ANXA7: variants seen among roughly 807,000 people sequenced by gnomAD.
ANXA7 encodes the protein annexin VII.
A neutral mutation model predicts 64.9 loss-of-function variants in ANXA7; 55 were observed. The ratio of observed to expected loss-of-function variants is 0.85; its 90% confidence interval spans 0.68 to 1.06. The LOEUF (loss-of-function observed/expected upper bound fraction) is 1.06. Ranked by LOEUF, ANXA7 falls within the 50% of genes least tolerant of loss-of-function variation. The probability of loss-of-function intolerance (pLI) is 0.00; values close to 1 mark genes in which losing one functional copy is unlikely to be tolerated. For missense variants in ANXA7, 548 were observed against 582.1 expected (o/e 0.94, Z 0.60); for synonymous variants, 200 against 192.4 (o/e 1.04, Z -0.33).
rs190979633 is a variant in ANXA7, at chr10:73,391,242, C to T, written c.436-2828G>A. 1.5e-3 allele frequency among the ~76,000 whole-genome samples: 226 copies of T among 151,528 alleles called. 1 individual carries two copies. The highest frequency in any genetic ancestry group is 4.9e-3 in the African/African-American group (202 of 41,314). On this transcript the variant is annotated intron_variant, in intron 5 of 12. Coordinates refer to ENST00000372921, the MANE Select transcript of ANXA7 (RefSeq NM_001156.5). ...TTAAATTCTAGGGGAGAGTTCTCAG[C>T]AAAATCTGCTACCAGAAGTTCCAAC...
At chr10:73,386,214 T>TAAAAAAAA (rs377002771) in intron 7 of ANXA7, among the ~76,000 whole-genome samples, 1 of 83,394 alleles carries the variant, frequency 1.2e-5, no homozygotes, top group Non-Finnish European at 2.8e-5. Context: ...CAAAAAAAAG[T>TAAAAAAAA]AAAAAAAAAA....
At chr10:73,402,815 TA>T (rs1431076216) in intron 1 of ANXA7, among the ~76,000 whole-genome samples, 2 of 150,676 alleles carry the variant, frequency 1.3e-5, no homozygotes, top group African/African-American at 2.5e-5. Flanking sequence ...CATTCTTACA[TA>T]AAAACTCTGT....
intron 1 of ANXA7, among the ~76,000 whole-genome samples, chr10:73,406,101 G>C (rs1158203556): frequency 1.3e-5 from 2 of 151,810 alleles, no homozygotes; most frequent in East Asian, 3.9e-4. Context: ...GATTACAGGC[G>C]CCCACCACCA....
intron 12 of ANXA7, 79 bp from the exon 13 acceptor site, chr10:73,376,296 A>G (rs2055171181): frequency 7.5e-7 from 1 of 1,339,372 alleles, no homozygotes; most frequent in Non-Finnish European, 9.9e-7. Flanking sequence ...AAATAATAAG[A>G]TCTTAATAAT....
chr10:73,404,382 C>T (rs2055720058), intron 1 of ANXA7, among the ~76,000 whole-genome samples: 1 of 152,156 alleles, frequency 6.6e-6, no homozygotes, highest in Non-Finnish European at 1.5e-5. Context: ...TAAACAATAA[C>T]CTGCACATCA....
At chr10:73,402,221 C>T (rs544398515) in intron 1 of ANXA7, among the ~76,000 whole-genome samples, 1 of 152,254 alleles carries the variant, frequency 6.6e-6, no homozygotes, top group South Asian at 2.1e-4. Context: ...CAAGGTCTTG[C>T]TCTGTCACCC....
intron 5 of ANXA7, among the ~76,000 whole-genome samples, chr10:73,392,395 A>C (rs1446585899): frequency 7.9e-6 from 1 of 125,956 alleles, no homozygotes; most frequent in Non-Finnish European, 1.7e-5. Context: ...GAGACACAAC[A>C]AAAAAAAGAG....
In ANXA7 at chr10:73,398,173, T is replaced by G. The variant is rs1461284399; in HGVS notation, c.259+8A>C. On this transcript the variant is annotated splice_region_variant and intron_variant, in intron 3 of 12. Coordinates refer to ENST00000372921, the MANE Select transcript of ANXA7 (RefSeq NM_001156.5). ...CAATCATTACTAATTCCGCAACCCG[T>G]AACTCACCTCCGGGATAGGATGGAG... 6.2e-7 allele frequency: 1 copy of G among 1,606,210 alleles called. No individual in the cohort carries two copies. The highest frequency in any genetic ancestry group is 8.5e-7 in the Non-Finnish European group (1 of 1,174,708).
In ANXA7 at chr10:73,398,058, C is replaced by T. The variant is rs2055603498; in HGVS notation, c.259+123G>A. 5.2e-6 allele frequency: 5 copies of T among 957,740 alleles called. No individual in the cohort carries two copies. In the East Asian group the frequency reaches 1.3e-4, roughly 25 times the overall value. 59.3% of individuals were successfully genotyped at this position (957,740 alleles called of 1,614,324 possible). The stretch of plus-strand genomic sequence containing the variant: ...CATCTTGCCAGCTAGGTCCTTACTA[C>T]CTAAGGTTACCTAAGAGCGACTTGA... On this transcript the variant is annotated intron_variant, in intron 3 of 12. Coordinates refer to ENST00000372921, the MANE Select transcript of ANXA7 (RefSeq NM_001156.5).
chr10:73,398,492 T>C (rs933966071), intron 2 of ANXA7, 107 bp from the exon 3 acceptor site: 24 of 1,042,234 alleles, frequency 2.3e-5, no homozygotes, highest in Admixed American at 5.5e-5. Flanking sequence ...CTCATTCTTT[T>C]ACTTTTTAAA....
At chr10:73,401,506 CT>C (rs1047702373) in intron 1 of ANXA7, among the ~76,000 whole-genome samples, 13 of 147,854 alleles carry the variant, frequency 8.8e-5, no homozygotes, top group South Asian at 2.1e-4. Flanking sequence ...CTTCTTTTCT[CT>C]TTTTTTTTTG....
chr10:73,395,610 CCT>C (rs931948011), intron 5 of ANXA7, among the ~76,000 whole-genome samples: 8 of 151,958 alleles, frequency 5.3e-5, no homozygotes, highest in African/African-American at 1.9e-4. Context: ...ATGGTGAAAC[CCT>C]GTCTCTACTA....
chr10:73,380,297 ATTTC>A (rs988971732), intron 9 of ANXA7, 96 bp from the exon 10 acceptor site: 2 of 1,275,040 alleles, frequency 1.6e-6, no homozygotes, highest in African/African-American at 3.0e-5. Context: ...TAAAGAGACT[ATTTC>A]TTTTTTTTTT....
chr10:73,398,127 GA>G, intron 3 of ANXA7, 53 bp downstream of exon 3: 1 of 1,545,412 alleles, frequency 6.5e-7, no homozygotes. Flanking sequence ...AAGGGAGAAG[GA>G]AAAAGTGCTA....
intron 5 of ANXA7, among the ~76,000 whole-genome samples, chr10:73,393,176 C>T (rs113472145): frequency 0.1 from 15,472 of 152,138 alleles, 1,124 homozygotes; most frequent in East Asian, 0.3. Context: ...AGGAGAATTA[C>T]AAACCACTGC....
At chr10:73,397,804 G>C (rs992502375) in intron 3 of ANXA7, among the ~76,000 whole-genome samples, 1 of 152,118 alleles carries the variant, frequency 6.6e-6, no homozygotes, top group African/African-American at 2.4e-5. Flanking sequence ...AATACAAAAG[G>C]GCTAAGGTTT....
chr10:73,390,290 G>A (rs932163751), intron 5 of ANXA7, among the ~76,000 whole-genome samples: 1 of 152,162 alleles, frequency 6.6e-6, no homozygotes, highest in Non-Finnish European at 1.5e-5. Flanking sequence ...GAGGAGATGA[G>A]AACAAGCCCC....
intron 2 of ANXA7, among the ~76,000 whole-genome samples, chr10:73,399,897 T>C (rs1405302098): frequency 6.6e-6 from 1 of 151,660 alleles, no homozygotes; most frequent in Non-Finnish European, 1.5e-5. Context: ...ATCCCAGCAC[T>C]TTGGGAGGCC....
Position 73,380,159 on chromosome 10 carries a change from G to C in ANXA7, c.961C>G (p.Gln321Glu). ...TGATAGAGACGCTGAGCATCTTCCT[G>C]AGCCATTTGGTGGTTTATACTCTGG... ...ENQSINHQMA[Q>E]EDAQRLYQAG... The change falls in exon 10 of 13, where the codon CAG (glutamine) becomes GAG (glutamate). Residue 321 changes from glutamine to glutamate, a missense_variant. Gln to Glu is a conservative substitution (Grantham distance 29). Coordinates refer to ENST00000372921, the MANE Select transcript of ANXA7 (RefSeq NM_001156.5). 1 of 1,614,078 alleles carries C rather than the reference G, an allele frequency of 6.2e-7. No homozygotes were observed. The highest frequency in any genetic ancestry group is 8.5e-7 in the Non-Finnish European group (1 of 1,180,004).
Sources: gnomAD v4.1 joint callset for allele counts (sites outside exome capture counted in the v4.1 genomes callset) on GRCh38, gnomAD v4.1.1 for gene constraint, MANE v1.5 for transcripts, NCBI Gene and HGNC (gene_info 2026-07-23, HGNC 2026-07-21) for gene names.